RHNO1: variants seen among roughly 807,000 people sequenced by gnomAD.
The protein encoded by RHNO1 is RAD9-HUS1-RAD1 interacting nuclear orphan 1.
RHNO1 carries 9 observed loss-of-function variants against 7.2 expected under a neutral mutation model. The observed-to-expected ratio is 1.25, with a 90% confidence interval of 0.75 to 2.18. The LOEUF is 2.18. RHNO1 is among the 30% of genes most tolerant of loss of function. RHNO1 has a pLI of 0.00. For synonymous variants in RHNO1, 95 were observed against 107.5 expected (o/e 0.88, Z 0.72); for missense variants, 292 against 284.5 (o/e 1.03, Z -0.19).
At chr12:2,887,850 C>G in intron 2 of RHNO1, 61 bp from the exon 3 acceptor site, 2 of 1,350,786 alleles carry the variant, frequency 1.5e-6, no homozygotes, top group East Asian at 2.4e-5. Context: ...TCATCAGATA[C>G]AGTTTCCTCT....
In RHNO1 at chr12:2,885,457, G is replaced by C. The variant is rs1283423314; in HGVS notation, c.91G>C (p.Ala31Pro). 1 of 1,612,934 alleles carries C rather than the reference G, an allele frequency of 6.2e-7. No homozygotes were observed. Among genetic ancestry groups the C allele is most frequent in the Non-Finnish European group, 8.5e-7 (1 of 1,179,758 alleles). Residue 31 changes from alanine (A) to proline (P), a missense_variant, in exon 2 of 3, where the codon GCA (alanine) becomes CCA (proline). Ala to Pro is a conservative substitution (Grantham distance 27). Coordinates refer to ENST00000489288, the MANE Select transcript of RHNO1 (RefSeq NM_001252499.3). ...ACTGGAGGGCCCCAAACACAGCTGTGCATCTACACAGCTTCCCATCACTCA... is the reference window on the plus strand; with the variant it reads ...ACTGGAGGGCCCCAAACACAGCTGTCCATCTACACAGCTTCCCATCACTCA... ...QPLEGPKHSCASTQLPITHTR... is the reference protein window; with the variant it reads ...QPLEGPKHSCPSTQLPITHTR...
intron 1 of RHNO1, among the ~76,000 whole-genome samples, chr12:2,883,495 AT>A (rs1294312303): frequency 0.025 from 524 of 21,256 alleles, 13 homozygotes; most frequent in Non-Finnish European, 0.033. Context: ...ATATATATAT[AT>A]ATATATATAT....
chr12:2,882,627 C>T (rs1001584578), intron 1 of RHNO1, among the ~76,000 whole-genome samples: 1 of 150,684 alleles, frequency 6.6e-6, no homozygotes, highest in Non-Finnish European at 1.5e-5. Context: ...TTCTTGAACT[C>T]GGGAGGTGGC....
intron 2 of RHNO1, chr12:2,886,421 AAGG>A (rs1175901217): frequency 1.3e-5 from 2 of 152,372 alleles, no homozygotes; most frequent in Admixed American, 6.5e-5. Flanking sequence ...GAGGCCAAGG[AAGG>A]AGGATTGCTT....
At chr12:2,883,061 T>C (rs1376608135) in intron 1 of RHNO1, among the ~76,000 whole-genome samples, 1 of 56,226 alleles carries the variant, frequency 1.8e-5, no homozygotes, top group Non-Finnish European at 3.1e-5. Flanking sequence ...AGCAAGGCCC[T>C]GTCTCAAAAA....
chr12:2,878,462 A>G (rs143122574), intron 1 of RHNO1, among the ~76,000 whole-genome samples: 127 of 152,204 alleles, frequency 8.3e-4, no homozygotes, highest in African/African-American at 2.9e-3. Context: ...TGTGAGTTGA[A>G]GCTGGAGCCG....
At chr12:2,883,578 C>T (rs1414061685) in intron 1 of RHNO1, among the ~76,000 whole-genome samples, 1 of 131,656 alleles carries the variant, frequency 7.6e-6, no homozygotes, top group African/African-American at 2.8e-5. Context: ...AGTGCAATGG[C>T]GTGATCTCTG....
At chr12:2,883,492 TA>T in intron 1 of RHNO1, among the ~76,000 whole-genome samples, 3 of 19,088 alleles carry the variant, frequency 1.6e-4, no homozygotes, top group African/African-American at 6.4e-4. Context: ...TATATATATA[TA>T]TATATATATA....
At chr12:2,885,560 CATTTTTTTTTTTTTTTTT>C in intron 2 of RHNO1, 26 bp downstream of exon 2, 12 of 735,728 alleles carry the variant, frequency 1.6e-5, no homozygotes, top group Non-Finnish European at 2.4e-5. Flanking sequence ...TACTATTTGA[CATTTTTTTTTTTTTTTTT>C]TTTTTTTTTT....
intron 2 of RHNO1, among the ~76,000 whole-genome samples, chr12:2,887,564 A>G (rs2098167107): frequency 6.6e-6 from 1 of 151,630 alleles, no homozygotes; most frequent in South Asian, 2.1e-4. Flanking sequence ...CAGGAGAATC[A>G]CTTGAACTGG....
At chr12:2,884,402 T>C (rs1473973075) in intron 1 of RHNO1, among the ~76,000 whole-genome samples, 1 of 152,226 alleles carries the variant, frequency 6.6e-6, no homozygotes, top group African/African-American at 2.4e-5. Flanking sequence ...AGTTTTTGTA[T>C]TTTTAGTAGA....
intron 1 of RHNO1, among the ~76,000 whole-genome samples, chr12:2,882,423 G>T (rs1269429518): frequency 6.6e-6 from 1 of 151,958 alleles, no homozygotes; most frequent in Non-Finnish European, 1.5e-5. Context: ...GAGGGGCCAG[G>T]CATGGTGGCT....
rs1272453944 is a variant in RHNO1, at chr12:2,888,929, A to G, written c.*470A>G. 1 of 152,782 alleles carries G rather than the reference A, an allele frequency of 6.5e-6. No homozygotes were observed. Among genetic ancestry groups the G allele is most frequent in the African/African-American group, 2.4e-5 (1 of 41,466 alleles). The allele number at this position is 152,782 out of a possible 1,614,324, so 9.5% of individuals were successfully genotyped here. ...TTAAAATATCTTGTAGTAACTCTTT[A>G]AAATGTATGTAAGTAAATGGCTGCA... On this transcript the variant is annotated 3_prime_UTR_variant, in exon 3 of 3. Transcript: ENST00000489288.
Position 2,888,105 on chromosome 12 carries a change from G to A in RHNO1, c.363G>A (p.Lys121=), listed in dbSNP as rs1313917953. ...LIRECPSESE[K]DVSRRPLVPV... is the part of the protein sequence containing the mutation. Reference sequence around the variant, plus strand: ...GAGAGTGCCCCAGTGAATCAGAAAAGGATGTTTCCAGAAGACCCTTAGTTC... The same window carrying A: ...GAGAGTGCCCCAGTGAATCAGAAAAAGATGTTTCCAGAAGACCCTTAGTTC... The change falls in exon 3 of 3, where the codon AAG becomes AAA. Residue 121 remains lysine, a synonymous_variant. Coordinates refer to ENST00000489288, the MANE Select transcript of RHNO1 (RefSeq NM_001252499.3). 1 of 1,613,968 alleles carries A rather than the reference G, an allele frequency of 6.2e-7. No individual in the cohort carries two copies. Among genetic ancestry groups the A allele is most frequent in the African/African-American group, 1.3e-5 (1 of 75,016 alleles).
upstream of RHNO1, chr12:2,877,168 G>A (rs903258842): frequency 6.6e-6 from 1 of 152,230 alleles, no homozygotes; most frequent in Non-Finnish European, 1.5e-5. Context: ...GGCGCCGGCG[G>A]AGCGTTAAGG....
chr12:2,888,680 A>G lies in RHNO1; in HGVS notation c.*221A>G. 2.6e-6 allele frequency: 1 copy of G among 388,838 alleles called. No homozygotes were observed. Among genetic ancestry groups the G allele is most frequent in the East Asian group, 3.9e-5 (1 of 25,644 alleles). The allele number at this position is 388,838 out of a possible 1,614,324, so 24.1% of individuals were successfully genotyped here. ...GTAGCTGGGATTACAGGCACCAGCC[A>G]CCATGCCTGGCTAATTTTTTTGTAT... On this transcript the variant is annotated 3_prime_UTR_variant, in exon 3 of 3. Coordinates refer to ENST00000489288, the MANE Select transcript of RHNO1 (RefSeq NM_001252499.3).
chr12:2,888,283 A>T lies in RHNO1; in HGVS notation c.541A>T (p.Ser181Cys), dbSNP rs764929871. The change falls in exon 3 of 3, where the codon AGC becomes TGC. Residue 181 changes from serine to cysteine, a missense_variant. Coordinates refer to ENST00000489288, the MANE Select transcript of RHNO1 (RefSeq NM_001252499.3). ...PQDQKENSLLSCTLHTGTPNS... is the reference protein window; with the variant it reads ...PQDQKENSLLCCTLHTGTPNS... Reference sequence around the variant, plus strand: ...AGATCAGAAGGAAAACAGCCTTCTAAGCTGCACTCTTCACACTGGCACTCC... The same window carrying T: ...AGATCAGAAGGAAAACAGCCTTCTATGCTGCACTCTTCACACTGGCACTCC... 1.9e-6 allele frequency: 3 copies of T among 1,614,140 alleles called. No homozygotes were observed. Among genetic ancestry groups the T allele is most frequent in the Non-Finnish European group, 1.7e-6 (2 of 1,180,030 alleles).
Position 2,885,180 on chromosome 12 carries a change from C to T in RHNO1, c.-84-103C>T, listed in dbSNP as rs567101023. ...GTTGTAGGTATAGGAGGCTGTGCTC[C>T]CCAAAGCCTTGAAGTTTATGGTAGA... is the stretch of plus-strand genomic sequence containing the variant. On this transcript the variant is annotated intron_variant, in intron 1 of 2. Coordinates refer to ENST00000489288, the MANE Select transcript of RHNO1 (RefSeq NM_001252499.3). 73 of 569,022 alleles carry T rather than the reference C, an allele frequency of 1.3e-4. 1 individual carries two copies. In the African/African-American group the frequency reaches 1.3e-3, roughly 10 times the overall value. 35.2% of individuals were successfully genotyped at this position (569,022 alleles called of 1,614,324 possible). A position where few individuals can be genotyped will look rare whatever the true frequency, so the allele number is the denominator to read the frequency against.
Position 2,888,990 on chromosome 12 carries a change from A to G in RHNO1, c.*531A>G, listed in dbSNP as rs1169579981. On this transcript the variant is annotated 3_prime_UTR_variant, in exon 3 of 3. Coordinates refer to ENST00000489288, the MANE Select transcript of RHNO1 (RefSeq NM_001252499.3). Reference sequence around the variant, plus strand: ...TTAGAGAATCCTGCTTCCATCAGTAATACAGCAATATTACCCCATCCACTA... The same window carrying G: ...TTAGAGAATCCTGCTTCCATCAGTAGTACAGCAATATTACCCCATCCACTA... The G allele has an allele frequency of 6.6e-6, 1 of 152,412 alleles. No individual in the cohort carries two copies. Among genetic ancestry groups the G allele is most frequent in the Non-Finnish European group, 1.5e-5 (1 of 68,218 alleles). The allele number at this position is 152,412 out of a possible 1,614,324, so 9.4% of individuals were successfully genotyped here. A position where few individuals can be genotyped will look rare whatever the true frequency, so the allele number is the denominator to read the frequency against.
Sources: allele counts gnomAD v4.1 joint callset (sites outside exome capture counted in the v4.1 genomes callset), GRCh38; gene constraint gnomAD v4.1.1; transcripts MANE v1.5; gene names NCBI Gene and HGNC (gene_info 2026-07-23, HGNC 2026-07-21).